Variants in DMD observed in about 807,000 individuals in gnomAD.
DMD encodes dystrophin, also known as mutant dystrophin.
In DMD, 63 loss-of-function variants were observed where a neutral mutation model predicts 330.1. That is an observed-to-expected ratio of 0.19 (90% CI 0.16 to 0.24). The LOEUF (loss-of-function observed/expected upper bound fraction) is 0.24. Ranked by LOEUF, DMD falls within the 10% of genes least tolerant of loss-of-function variation. DMD has a pLI of 1.00. For missense variants in DMD, 3,344 were observed against 2,684.1 expected (o/e 1.25, Z -5.43); for synonymous variants, 1,223 against 959.8 (o/e 1.27, Z -5.07).
chrX:32,494,688 A>G (rs1018600974), intron 19 of DMD, among the ~76,000 whole-genome samples: 1 of 111,761 alleles, frequency 8.9e-6, no homozygotes, highest in Non-Finnish European at 1.9e-5. Flanking sequence ...GAAAAAGAAT[A>G]TTCAGAAAAC....
intron 4 of DMD, 81 bp downstream of exon 4, chrX:32,844,702 T>C: frequency 1.2e-6 from 1 of 832,412 alleles, no homozygotes; most frequent in South Asian, 2.0e-5. Flanking sequence ...ATACTTTCTC[T>C]GCATTTGGGG....
intron 30 of DMD, among the ~76,000 whole-genome samples, chrX:32,392,776 G>A (rs1021915553): frequency 1.8e-5 from 2 of 112,560 alleles, no homozygotes; most frequent in African/African-American, 6.5e-5. Context: ...TTTTAGAACA[G>A]TCATTCTTAG....
At chrX:32,814,249 T>G (rs2077566358) in intron 6 of DMD, among the ~76,000 whole-genome samples, 1 of 112,501 alleles carries the variant, frequency 8.9e-6, no homozygotes, top group Non-Finnish European at 1.9e-5. Flanking sequence ...TTGTACATAT[T>G]TCTAAGCAAT....
chrX:31,427,365 A>C (rs924635743), intron 60 of DMD, among the ~76,000 whole-genome samples: 6 of 111,505 alleles, frequency 5.4e-5, no homozygotes, highest in Admixed American at 2.9e-4. Flanking sequence ...CTGCACATTA[A>C]TATCATTTCT....
rs924571143 is a variant in DMD, at chrX:32,971,441, C to G, written c.93+48698G>C. Among the ~76,000 whole-genome samples, 4 of 110,394 alleles carry G rather than the reference C, an allele frequency of 3.6e-5. No homozygotes were observed. In the East Asian group the frequency reaches 8.5e-4, roughly 23 times the overall value. ...GTGAAGAAAAAACAGTCACTTTGGG[C>G]CGAAAATTTCAGGGAAAAAAACCCT... On this transcript the variant is annotated intron_variant, in intron 2 of 78. Transcript: ENST00000357033.
chrX:31,937,365 A>C (rs1466897165), intron 45 of DMD, among the ~76,000 whole-genome samples: 1 of 111,966 alleles, frequency 8.9e-6, no homozygotes, highest in African/African-American at 3.2e-5. Context: ...TCACTTAAAC[A>C]GTAAAAGCTT....
intron 7 of DMD, among the ~76,000 whole-genome samples, chrX:32,722,173 GA>G (rs767101901): frequency 9.2e-6 from 1 of 108,283 alleles, no homozygotes; most frequent in Non-Finnish European, 1.9e-5. Flanking sequence ...TTATTTCTGT[GA>G]AAAAAAATGC....
At chrX:32,431,057 A>G (rs1317579416) in intron 29 of DMD, among the ~76,000 whole-genome samples, 2 of 111,724 alleles carry the variant, frequency 1.8e-5, no homozygotes, top group Admixed American at 9.5e-5. Flanking sequence ...TTCTCATTCA[A>G]TTTCCTTTGG....
chrX:31,129,819 C>T (rs2147716061), intron 77 of DMD, among the ~76,000 whole-genome samples: 1 of 112,057 alleles, frequency 8.9e-6, no homozygotes, highest in South Asian at 3.7e-4. Flanking sequence ...TGCCTTTGTT[C>T]TTTATGTTGC....
In DMD at chrX:31,444,601, C is replaced by A; in HGVS notation, c.8964G>T (p.Leu2988=). 1 of 1,211,517 alleles carries A rather than the reference C, an allele frequency of 8.3e-7. No individual in the cohort carries two copies. The highest frequency in any genetic ancestry group is 2.2e-5 in the Admixed American group (1 of 45,940). The change falls in exon 60 of 79, where the codon CTG becomes CTT. Residue 2988 remains leucine (L), a synonymous_variant. Transcript: ENST00000357033. Reference sequence around the variant, plus strand: ...CATTGACGTGGCTCACGTTCTCTTTCAGAGGCGCAATTTCTCCTCGAAGTG... The same window carrying A: ...CATTGACGTGGCTCACGTTCTCTTTAAGAGGCGCAATTTCTCCTCGAAGTG... ...VKALRGEIAP[L]KENVSHVNDL...
intron 54 of DMD, among the ~76,000 whole-genome samples, chrX:31,638,569 G>A (rs963795085): frequency 8.9e-6 from 1 of 112,409 alleles, no homozygotes; most frequent in Non-Finnish European, 1.9e-5. Flanking sequence ...AGAGTATAAC[G>A]AAAGACTTTG....
At chrX:32,221,425 T>C (rs766445455) in intron 43 of DMD, among the ~76,000 whole-genome samples, 2 of 111,676 alleles carry the variant, frequency 1.8e-5, no homozygotes, top group African/African-American at 6.5e-5. Flanking sequence ...TCCCAAGTAA[T>C]ACAAATATTT....
intron 2 of DMD, among the ~76,000 whole-genome samples, chrX:32,878,028 A>C (rs2083513450): frequency 8.9e-6 from 1 of 112,318 alleles, no homozygotes; most frequent in Non-Finnish European, 1.9e-5. Context: ...CCCAACCTGA[A>C]ACATAAGCAT....
At chrX:31,589,829 C>G (rs1381455462) in intron 55 of DMD, among the ~76,000 whole-genome samples, 1 of 110,319 alleles carries the variant, frequency 9.1e-6, no homozygotes, top group Non-Finnish European at 1.9e-5. Context: ...TGATGGATAC[C>G]CTAAAAGGCC....
At chrX:32,954,561 T>C (rs2091456561) in intron 2 of DMD, among the ~76,000 whole-genome samples, 1 of 112,234 alleles carries the variant, frequency 8.9e-6, no homozygotes, top group South Asian at 3.7e-4. Context: ...ACTTTTAAGT[T>C]CAGGGGTACA....
At chrX:32,689,278 C>A (rs1188422167) in intron 9 of DMD, among the ~76,000 whole-genome samples, 2 of 109,989 alleles carry the variant, frequency 1.8e-5, no homozygotes, top group Admixed American at 1.9e-4. Context: ...ATAAAGAGAC[C>A]ACTATGAACA....
At chrX:31,187,294 C>T (rs2041860696) in intron 67 of DMD, among the ~76,000 whole-genome samples, 2 of 112,228 alleles carry the variant, frequency 1.8e-5, no homozygotes, top group African/African-American at 6.5e-5. Flanking sequence ...TTGAACAGCC[C>T]TTTAAATATT....
intron 16 of DMD, among the ~76,000 whole-genome samples, chrX:32,556,071 T>C (rs1302648351): frequency 8.9e-6 from 1 of 111,800 alleles, no homozygotes; most frequent in African/African-American, 3.2e-5. Context: ...CATCTATCCA[T>C]CTGACAATGG....
At chrX:31,145,889 C>T (rs865867356) in intron 76 of DMD, among the ~76,000 whole-genome samples, 1 of 111,848 alleles carries the variant, frequency 8.9e-6, no homozygotes, top group Non-Finnish European at 1.9e-5. Context: ...TCTTCAACTC[C>T]TAACCTTGTG....
Sources: gnomAD v4.1 joint callset for allele counts (sites outside exome capture counted in the v4.1 genomes callset) on GRCh38, gnomAD v4.1.1 for gene constraint, MANE v1.5 for transcripts, NCBI Gene and HGNC (gene_info 2026-07-23, HGNC 2026-07-21) for gene names.